NALCN: variants seen among roughly 807,000 people sequenced by gnomAD.
The protein encoded by NALCN is sodium leak channel NALCN.
In NALCN, 111 loss-of-function variants were observed where a neutral mutation model predicts 225.3. The ratio of observed to expected loss-of-function variants is 0.49; its 90% CI spans 0.42 to 0.58. NALCN has a LOEUF of 0.58. NALCN is among the 20% of genes least tolerant of loss of function. The probability of loss-of-function intolerance (pLI) is 0.00; values close to 1 mark genes in which losing one functional copy is unlikely to be tolerated. For missense variants in NALCN, 1,378 were observed against 2,202.4 expected, an observed-to-expected ratio of 0.63 and a Z score of 7.49; for synonymous variants, 764 against 769.0, an observed-to-expected ratio of 0.99 and a Z score of 0.11.
At chr13:101,153,425 T>C (rs1433869002) in intron 15 of NALCN, among the ~76,000 whole-genome samples, 2 of 152,204 alleles carry the variant, frequency 1.3e-5, no homozygotes, top group Non-Finnish European at 2.9e-5. Flanking sequence ...CCTCTCCCTC[T>C]TTCCCCAATT....
intron 35 of NALCN, 48 bp from the exon 36 acceptor site, chr13:101,074,710 GAGACAGAGAC>G: frequency 7.0e-7 from 1 of 1,432,996 alleles, no homozygotes; most frequent in Non-Finnish European, 9.3e-7. Flanking sequence ...GAGAGAGAGA[GAGACAGAGAC>G]AGAGAGAGAG....
rs1192967448 is a variant in NALCN at position 101,143,156 on chromosome 13, A to G, written c.2042T>C (p.Leu681Pro). The part of the protein sequence containing the change: ...QQDTCCLLRS[L>P]PTTSSSSCDH... ...GCAGGAGGAGGAAGAGGTGGTCGGG[A>G]GGCTTCTCAGGAGGCAACATGTGTC... Residue 681 changes from leucine (L) to proline (P), a missense_variant, in exon 17 of 44, where the codon CTC (leucine) becomes CCC (proline). By Grantham distance (98) the Leu-to-Pro change is moderately conservative. Coordinates refer to ENST00000251127, the MANE Select transcript of NALCN (RefSeq NM_052867.4). 2 of 1,613,984 alleles carry G rather than the reference A, an allele frequency of 1.2e-6. No homozygotes were observed. Among genetic ancestry groups the G allele is most frequent in the Non-Finnish European group, 8.5e-7 (1 of 1,180,036 alleles).
intron 7 of NALCN, among the ~76,000 whole-genome samples, chr13:101,301,922 G>T (rs1327872066): frequency 2.0e-5 from 3 of 152,110 alleles, no homozygotes; most frequent in Non-Finnish European, 2.9e-5. Context: ...AGGCGCTAAA[G>T]AAATGTTAAT....
At chr13:101,393,146 AC>A (rs890986475) in intron 3 of NALCN, among the ~76,000 whole-genome samples, 8 of 152,208 alleles carry the variant, frequency 5.3e-5, no homozygotes, top group Non-Finnish European at 1.0e-4. Flanking sequence ...CTTCTAACAC[AC>A]ACAGAGTGGC....
intron 6 of NALCN, among the ~76,000 whole-genome samples, chr13:101,349,381 A>C (rs1208964624): frequency 6.6e-6 from 1 of 152,180 alleles, no homozygotes; most frequent in Non-Finnish European, 1.5e-5. Context: ...AGATGTCCCC[A>C]TTCTAACATA....
At chr13:101,398,647 A>T (rs2047381956) in intron 2 of NALCN, among the ~76,000 whole-genome samples, 1 of 152,142 alleles carries the variant, frequency 6.6e-6, no homozygotes, top group South Asian at 2.1e-4. Context: ...ACATGTGCAT[A>T]TTGTCTCACG....
At chr13:101,387,017 C>T (rs1395386357) in intron 3 of NALCN, among the ~76,000 whole-genome samples, 1 of 151,134 alleles carries the variant, frequency 6.6e-6, no homozygotes, top group Non-Finnish European at 1.5e-5. Context: ...GTCAGGAGAT[C>T]GAGACCATCC....
intron 15 of NALCN, among the ~76,000 whole-genome samples, chr13:101,156,056 C>A (rs1473535376): frequency 1.3e-5 from 2 of 151,962 alleles, no homozygotes; most frequent in Non-Finnish European, 1.5e-5. Context: ...TTATTGTATT[C>A]TTTGGGTTAT....
chr13:101,079,888 G>A (rs1482150658), intron 34 of NALCN, among the ~76,000 whole-genome samples: 2 of 152,140 alleles, frequency 1.3e-5, no homozygotes, highest in East Asian at 3.9e-4. Context: ...ATTAAGGCAA[G>A]CCCTTTAGGA....
At chr13:101,101,962 T>C (rs964761199) in intron 26 of NALCN, among the ~76,000 whole-genome samples, 10 of 152,176 alleles carry the variant, frequency 6.6e-5, no homozygotes, top group Admixed American at 3.9e-4. Flanking sequence ...TCCAGCTGTG[T>C]GAAGAGTCAC....
At chr13:101,194,413 A>G (rs1256716670) in intron 13 of NALCN, among the ~76,000 whole-genome samples, 1 of 152,188 alleles carries the variant, frequency 6.6e-6, no homozygotes, top group East Asian at 1.9e-4. Flanking sequence ...AAATACTTCT[A>G]TTAGAGGCTG....
At chr13:101,137,128 A>T (rs141296423) in intron 17 of NALCN, among the ~76,000 whole-genome samples, 34 of 152,298 alleles carry the variant, frequency 2.2e-4, no homozygotes, top group African/African-American at 7.7e-4. Flanking sequence ...TATCTACTAA[A>T]GCATTTTTAA....
Position 101,074,501 on chromosome 13 carries a change from A to G in NALCN, c.4103+13T>C. The G allele has an allele frequency of 6.4e-7, 1 of 1,566,236 alleles. No individual in the cohort carries two copies. The highest frequency in any genetic ancestry group is 2.3e-5 in the East Asian group (1 of 43,936). ...TGCTTGATAAATGAATAGAAAGATA[A>G]GTATATACCAACCTGTTAATATTCT... is the stretch of plus-strand genomic sequence containing the variant. On this transcript the variant is annotated intron_variant, in intron 36 of 43. Coordinates refer to ENST00000251127, the MANE Select transcript of NALCN (RefSeq NM_052867.4).
chr13:101,332,346 T>G (rs1594691472), intron 7 of NALCN, among the ~76,000 whole-genome samples: 1 of 55,156 alleles, frequency 1.8e-5, no homozygotes, highest in East Asian at 4.5e-4. Flanking sequence ...GGGTAAATCT[T>G]AAAAACTACC....
chr13:101,400,605 A>T (rs898254328), intron 1 of NALCN, among the ~76,000 whole-genome samples: 2 of 151,726 alleles, frequency 1.3e-5, no homozygotes, highest in African/African-American at 4.8e-5. Flanking sequence ...GCGCACACAG[A>T]TGCAGTTTTT....
At chr13:101,258,792 A>G (rs1220217480) in intron 10 of NALCN, among the ~76,000 whole-genome samples, 1 of 152,170 alleles carries the variant, frequency 6.6e-6, no homozygotes, top group Non-Finnish European at 1.5e-5. Flanking sequence ...GGTTTCAGAG[A>G]CTTTTGACTA....
At chr13:101,351,306 TG>T (rs1208001598) in intron 6 of NALCN, among the ~76,000 whole-genome samples, 3 of 152,302 alleles carry the variant, frequency 2.0e-5, no homozygotes, top group Non-Finnish European at 2.9e-5. Flanking sequence ...TGTATCAAAA[TG>T]AGTACTAGAA....
intron 7 of NALCN, among the ~76,000 whole-genome samples, chr13:101,319,127 G>A (rs1345564134): frequency 6.6e-6 from 1 of 152,166 alleles, no homozygotes; most frequent in South Asian, 2.1e-4. Context: ...GAATCTCTTA[G>A]CAGGACTGTG....
intron 32 of NALCN, 28 bp downstream of exon 32, chr13:101,083,064 C>T (rs746742831): frequency 1.0e-5 from 16 of 1,604,992 alleles, no homozygotes; most frequent in Non-Finnish European, 1.4e-5. Flanking sequence ...AAAATTCATT[C>T]CCGGAGTCTT....
Sources: gnomAD v4.1 joint callset for allele counts (sites outside exome capture counted in the v4.1 genomes callset) on GRCh38, gnomAD v4.1.1 for gene constraint, MANE v1.5 for transcripts, NCBI Gene and HGNC (gene_info 2026-07-23, HGNC 2026-07-21) for gene names.